Variants in PDE3B observed in about 807,000 individuals in gnomAD.
PDE3B encodes the protein cGMP-inhibited 3',5'-cyclic phosphodiesterase 3B.
PDE3B carries 66 observed loss-of-function variants against 116.8 expected under a neutral mutation model. The observed-to-expected ratio is 0.56, with a 90% CI of 0.46 to 0.69. The LOEUF is 0.69. Among genes scored for constraint, PDE3B ranks in the 30% least tolerant of loss-of-function variants. The pLI is 0.00. For missense variants in PDE3B, 1,384 were observed against 1,368.1 expected (o/e 1.01, Z -0.18); for synonymous variants, 595 against 533.6 (o/e 1.12, Z -1.59).
intron 1 of PDE3B, among the ~76,000 whole-genome samples, chr11:14,740,949 C>A (rs1856752206): frequency 6.6e-6 from 1 of 152,190 alleles, no homozygotes. Flanking sequence ...AATTTGATTG[C>A]ACTGTGGCCT....
rs1400691471 is a variant in PDE3B at position 14,644,947 on chromosome 11, C to G, written c.872C>G (p.Pro291Arg). The G allele has an allele frequency of 6.2e-7, 1 of 1,614,042 alleles. No individual in the cohort carries two copies. The highest frequency in any genetic ancestry group is 2.2e-5 in the East Asian group (1 of 44,856). ...AAEEKVPVIR[P>R]RRRSSCVSLG... The stretch of plus-strand genomic sequence containing the variant: ...GAAGAAAAAGTGCCTGTGATCCGAC[C>G]CCGGAGGAGGTCCAGCTGCGTGTCG... Residue 291 changes from proline (P) to arginine (R), a missense_variant, in exon 1 of 16, where the codon CCC (proline) becomes CGC (arginine). Physicochemically the swap from Pro to Arg is moderately radical, Grantham distance 103. Transcript: ENST00000282096.
At chr11:14,660,433 C>G (rs1853862016) in intron 1 of PDE3B, among the ~76,000 whole-genome samples, 1 of 151,698 alleles carries the variant, frequency 6.6e-6, no homozygotes, top group Non-Finnish European at 1.5e-5. Context: ...TCTGGAGTAG[C>G]TGGGGCTACA....
At chr11:14,866,461 C>T (rs1445055261) in intron 14 of PDE3B, among the ~76,000 whole-genome samples, 1 of 152,094 alleles carries the variant, frequency 6.6e-6, no homozygotes, top group Admixed American at 6.6e-5. Flanking sequence ...ATTTAACTGC[C>T]ATGGACTTAG....
intron 5 of PDE3B, among the ~76,000 whole-genome samples, chr11:14,813,003 G>A (rs1375990932): frequency 1.3e-5 from 2 of 152,152 alleles, no homozygotes; most frequent in African/African-American, 4.8e-5. Context: ...GTGAGGACAC[G>A]AGAAGATGGC....
chr11:14,722,632 C>T (rs1421297036), intron 1 of PDE3B, among the ~76,000 whole-genome samples: 7 of 152,124 alleles, frequency 4.6e-5, no homozygotes, highest in Admixed American at 4.6e-4. Context: ...CTAAAGCCTG[C>T]CAATAACCAT....
chr11:14,675,331 A>G (rs1403243820), intron 1 of PDE3B, among the ~76,000 whole-genome samples: 5 of 151,770 alleles, frequency 3.3e-5, no homozygotes, highest in Non-Finnish European at 7.4e-5. Context: ...TTGATTCAGT[A>G]TTTTTTCTTT....
chr11:14,667,246 G>A (rs1854189817), intron 1 of PDE3B, among the ~76,000 whole-genome samples: 4 of 149,710 alleles, frequency 2.7e-5, no homozygotes. Context: ...AGAACACATG[G>A]ACACAGGAAG....
At chr11:14,891,149 C>G in the PDE3B span, 1 of 985,442 alleles carries the variant, frequency 1.0e-6, no homozygotes, top group Non-Finnish European at 1.2e-6. Flanking sequence ...GTCGGGACAC[C>G]CACACACAAG....
chr11:14,809,111 C>T (rs1859043524), intron 5 of PDE3B, among the ~76,000 whole-genome samples: 1 of 152,118 alleles, frequency 6.6e-6, no homozygotes. Flanking sequence ...AAACTTACTA[C>T]CAGGCTACAG....
intron 8 of PDE3B, 22 bp downstream of exon 8, chr11:14,830,868 T>C: frequency 6.8e-7 from 1 of 1,461,864 alleles, no homozygotes; most frequent in African/African-American, 1.5e-5. Context: ...ACTTTCAATA[T>C]GATTATGTTA....
chr11:14,780,533 A>G (rs1362063044), intron 2 of PDE3B, among the ~76,000 whole-genome samples: 1 of 152,218 alleles, frequency 6.6e-6, no homozygotes. Context: ...ACTCAAGTAC[A>G]TGGAAACTGA....
intron 7 of PDE3B, among the ~76,000 whole-genome samples, chr11:14,826,149 C>A (rs1157334264): frequency 6.6e-6 from 1 of 152,026 alleles, no homozygotes; most frequent in Non-Finnish European, 1.5e-5. Context: ...TAGCACTAAG[C>A]AGCCATATCA....
downstream of PDE3B, among the ~76,000 whole-genome samples, chr11:14,874,527 C>A (rs1049877749): frequency 6.6e-6 from 1 of 152,102 alleles, no homozygotes; most frequent in Non-Finnish European, 1.5e-5. Flanking sequence ...GACCCCATTT[C>A]TTTATAGTAT....
chr11:14,810,158 A>AT (rs570745452), intron 5 of PDE3B, among the ~76,000 whole-genome samples: 27 of 150,346 alleles, frequency 1.8e-4, no homozygotes, highest in African/African-American at 6.2e-4. Flanking sequence ...AGTTGATAAC[A>AT]TTTTTTTTTC....
intron 1 of PDE3B, among the ~76,000 whole-genome samples, chr11:14,663,460 A>G (rs956640671): frequency 6.6e-6 from 1 of 151,470 alleles, no homozygotes; most frequent in Non-Finnish European, 1.5e-5. Flanking sequence ...ACATAACAAT[A>G]TTAACTTTAA....
At chr11:14,850,971 A>C (rs1590194032) in intron 12 of PDE3B, among the ~76,000 whole-genome samples, 2 of 142,900 alleles carry the variant, frequency 1.4e-5, no homozygotes, top group African/African-American at 2.6e-5. Flanking sequence ...TGGGACTACC[A>C]CACCCAGCTA....
chr11:14,735,690 C>A (rs1856576069), intron 1 of PDE3B, among the ~76,000 whole-genome samples: 1 of 152,176 alleles, frequency 6.6e-6, no homozygotes, highest in East Asian at 1.9e-4. Context: ...TGCTCAATAG[C>A]TATACATAGC....
chr11:14,779,043 C>A (rs890590457), intron 2 of PDE3B, among the ~76,000 whole-genome samples: 1 of 151,780 alleles, frequency 6.6e-6, no homozygotes, highest in African/African-American at 2.4e-5. Flanking sequence ...CTTCAGTAGC[C>A]GATTCGATCA....
chr11:14,696,293 C>A (rs1370340419), intron 1 of PDE3B, among the ~76,000 whole-genome samples: 2 of 152,132 alleles, frequency 1.3e-5, no homozygotes, highest in Non-Finnish European at 2.9e-5. Context: ...TGTCTGTTGG[C>A]TACATGTATG....
Sources: allele counts gnomAD v4.1 joint callset (sites outside exome capture counted in the v4.1 genomes callset), GRCh38; gene constraint gnomAD v4.1.1; transcripts MANE v1.5; gene names NCBI Gene and HGNC (gene_info 2026-07-23, HGNC 2026-07-21).